Variants in MOB3B observed in about 807,000 individuals in gnomAD.
MOB3B encodes MOB kinase activator 3B, also known as MOB kinase activator-like 2B.
A neutral mutation model predicts 18.7 loss-of-function variants in MOB3B; 7 were observed. That is an observed-to-expected ratio of 0.37 (90% CI 0.21 to 0.70). The LOEUF (loss-of-function observed/expected upper bound fraction) is 0.70, where lower values mean the gene tolerates loss of function less well. MOB3B is among the 30% of genes least tolerant of loss of function. The probability of loss-of-function intolerance (pLI) is 0.52; values close to 1 mark genes in which losing one functional copy is unlikely to be tolerated. For synonymous variants in MOB3B, 111 were observed against 99.9 expected (o/e 1.11, Z -0.66); for missense variants, 253 against 281.3 (o/e 0.90, Z 0.72).
chr9:27,350,988 C>T (rs7855696), intron 3 of MOB3B, among the ~76,000 whole-genome samples: 2,559 of 151,826 alleles, frequency 0.017, 78 homozygotes, highest in African/African-American at 0.058. Flanking sequence ...CTGCAACCTC[C>T]GCCTCCTGGG....
At chr9:27,491,962 TTTAAAGTC>T (rs1276217669) in intron 1 of MOB3B, among the ~76,000 whole-genome samples, 1 of 152,236 alleles carries the variant, frequency 6.6e-6, no homozygotes, top group Admixed American at 6.5e-5. Context: ...GCATATCTCT[TTTAAAGTC>T]TTGTCTGAGA....
intron 2 of MOB3B, among the ~76,000 whole-genome samples, chr9:27,399,816 G>C (rs201163401): frequency 1.3e-5 from 2 of 152,088 alleles, no homozygotes; most frequent in African/African-American, 4.8e-5. Flanking sequence ...AAATGAGATC[G>C]TATCTTCCTA....
At chr9:27,521,109 T>C (rs1437326629) in intron 1 of MOB3B, among the ~76,000 whole-genome samples, 1 of 152,204 alleles carries the variant, frequency 6.6e-6, no homozygotes, top group Admixed American at 6.5e-5. Context: ...TTACTCCTCC[T>C]GCCTAAAACA....
chr9:27,468,583 T>C (rs1414479173), intron 1 of MOB3B, among the ~76,000 whole-genome samples: 1 of 152,142 alleles, frequency 6.6e-6, no homozygotes, highest in African/African-American at 2.4e-5. Flanking sequence ...CCACATACTG[T>C]GCTGTATTTC....
intron 1 of MOB3B, among the ~76,000 whole-genome samples, chr9:27,521,616 A>C (rs946201288): frequency 6.6e-6 from 1 of 152,166 alleles, no homozygotes; most frequent in African/African-American, 2.4e-5. Flanking sequence ...CAGTTCAAGA[A>C]GTTTTAGGTA....
rs566688323 is a variant in MOB3B, at chr9:27,447,788, G to A, written c.418+7345C>T. On this transcript the variant is annotated intron_variant, in intron 2 of 3. Coordinates refer to ENST00000262244, the MANE Select transcript of MOB3B (RefSeq NM_024761.5). ...ATTGGGTTCACAAGGTTGTGGTGGGGAACTGTGACCATCATAATAGACCAT... is the reference window on the plus strand; with the variant it reads ...ATTGGGTTCACAAGGTTGTGGTGGGAAACTGTGACCATCATAATAGACCAT... Among the ~76,000 whole-genome samples, 135 of 152,318 alleles carry A rather than the reference G, an allele frequency of 8.9e-4. 1 individual carries two copies. Among genetic ancestry groups the A allele is most frequent in the African/African-American group, 3.1e-3 (128 of 41,566 alleles).
intron 1 of MOB3B, among the ~76,000 whole-genome samples, chr9:27,528,299 C>A (rs1820468115): frequency 6.6e-6 from 1 of 152,264 alleles, no homozygotes; most frequent in African/African-American, 2.4e-5. Context: ...ACTGCCCTAG[C>A]AGCGGCCCAG....
At chr9:27,404,558 ATG>A (rs1426268301) in intron 2 of MOB3B, among the ~76,000 whole-genome samples, 2 of 151,636 alleles carry the variant, frequency 1.3e-5, no homozygotes, top group Non-Finnish European at 2.9e-5. Context: ...GGGTTTTGCC[ATG>A]TTGGCCAGGT....
chr9:27,519,261 A>C (rs903615806), intron 1 of MOB3B, among the ~76,000 whole-genome samples: 5 of 152,214 alleles, frequency 3.3e-5, no homozygotes, highest in African/African-American at 1.2e-4. Context: ...ACTATGGGCC[A>C]GGTGCTGTGA....
rs540464493 is a variant in MOB3B at position 27,424,578 on chromosome 9, C to T, written c.418+30555G>A. ...TTGCCAAACCCAGTGAAAGAACCAC[C>T]GGGGGCCAATCATAAACTGCATGGG... On this transcript the variant is annotated intron_variant, in intron 2 of 3. Coordinates refer to ENST00000262244, the MANE Select transcript of MOB3B (RefSeq NM_024761.5). Among the ~76,000 whole-genome samples, 29 of 152,274 alleles carry T rather than the reference C, an allele frequency of 1.9e-4. No homozygotes were observed. The South Asian group carries it at 5.0e-3, about 26-fold the overall frequency.
At chr9:27,524,369 T>C (rs1386757324) in intron 1 of MOB3B, 1 of 1,613,588 alleles carries the variant, frequency 6.2e-7, no homozygotes, top group African/African-American at 1.3e-5. Context: ...TTCAAAAGTG[T>C]TTGTGGCTTG....
chr9:27,359,455 C>G (rs1821243080), intron 2 of MOB3B, among the ~76,000 whole-genome samples: 1 of 151,830 alleles, frequency 6.6e-6, no homozygotes, highest in East Asian at 1.9e-4. Context: ...GCGACTACAG[C>G]CAACAGTGGC....
At chr9:27,341,553 C>T (rs913364638) in intron 3 of MOB3B, among the ~76,000 whole-genome samples, 3 of 152,146 alleles carry the variant, frequency 2.0e-5, no homozygotes, top group Non-Finnish European at 4.4e-5. Context: ...AGACATGAAA[C>T]AAAACTAAAA....
chr9:27,395,983 C>T (rs1168938116), intron 2 of MOB3B, among the ~76,000 whole-genome samples: 1 of 152,070 alleles, frequency 6.6e-6, no homozygotes, highest in Non-Finnish European at 1.5e-5. Flanking sequence ...GTGTTACTGG[C>T]TGGGAGCTTT....
chr9:27,420,165 G>C lies in MOB3B; in HGVS notation c.418+34968C>G, dbSNP rs1373703269. Among the ~76,000 whole-genome samples, 3 of 152,140 alleles carry C rather than the reference G, an allele frequency of 2.0e-5. No individual in the cohort carries two copies. The East Asian group carries it at 5.8e-4, about 29-fold the overall frequency. ...AAAAATCAAAAAAGAGTAGATTTTG[G>C]CATGGATGCAGTGATCAGGGAACCC... On this transcript the variant is annotated intron_variant, in intron 2 of 3. Transcript: ENST00000262244.
At chr9:27,391,995 T>C (rs1460073852) in intron 2 of MOB3B, among the ~76,000 whole-genome samples, 1 of 152,170 alleles carries the variant, frequency 6.6e-6, no homozygotes, top group Admixed American at 6.5e-5. Flanking sequence ...GAATTCTCAA[T>C]GCAGAGGAGA....
At chr9:27,479,423 T>C (rs1023081536) in intron 1 of MOB3B, among the ~76,000 whole-genome samples, 2 of 152,208 alleles carry the variant, frequency 1.3e-5, no homozygotes, top group Admixed American at 6.5e-5. Context: ...ATTAAGTTTC[T>C]AGCACATGAA....
intron 1 of MOB3B, among the ~76,000 whole-genome samples, chr9:27,467,284 T>C (rs764856168): frequency 2.0e-5 from 3 of 152,224 alleles, no homozygotes; most frequent in Non-Finnish European, 4.4e-5. Context: ...AAATGCTTTC[T>C]CTTTGTGCTT....
At chr9:27,477,021 C>A (rs1169580641) in intron 1 of MOB3B, among the ~76,000 whole-genome samples, 1 of 152,174 alleles carries the variant, frequency 6.6e-6, no homozygotes, top group African/African-American at 2.4e-5. Context: ...TGGGGTCAGA[C>A]CTGCATCACA....
Sources: gnomAD v4.1 joint callset for allele counts (sites outside exome capture counted in the v4.1 genomes callset) on GRCh38, gnomAD v4.1.1 for gene constraint, MANE v1.5 for transcripts, NCBI Gene and HGNC (gene_info 2026-07-23, HGNC 2026-07-21) for gene names.